Variants in KIF16B observed in about 807,000 individuals in gnomAD.
The protein encoded by KIF16B is kinesin-like protein KIF16B.
In KIF16B, 98 loss-of-function variants were observed where a neutral mutation model predicts 156.3. That is an observed-to-expected ratio of 0.63 (90% CI 0.53 to 0.74). The LOEUF (loss-of-function observed/expected upper bound fraction) is 0.74, where lower values mean the gene tolerates loss of function less well. KIF16B is among the 30% of genes least tolerant of loss of function. KIF16B has a pLI of 0.00. For synonymous variants in KIF16B, 564 were observed against 583.7 expected, an observed-to-expected ratio of 0.97 and a Z score of 0.49; for missense variants, 1,421 against 1,606.5, an observed-to-expected ratio of 0.88 and a Z score of 1.97.
In KIF16B at chr20:16,529,193, A is replaced by G. The variant is rs182606258; in HGVS notation, c.48-753T>C. On this transcript the variant is annotated intron_variant, in intron 1 of 25. Coordinates refer to ENST00000354981, the MANE Select transcript of KIF16B (RefSeq NM_024704.5). ...AAAAGGCTACCTAGGAAAAAAAGGG[A>G]AATTGAGGATAAGGATTTGGGGCAG... 1.2e-4 allele frequency among the ~76,000 whole-genome samples: 18 copies of G among 152,336 alleles called. No individual in the cohort carries two copies. In the East Asian group the frequency reaches 3.1e-3, roughly 26 times the overall value.
chr20:16,565,156 T>G (rs928215693), intron 1 of KIF16B, among the ~76,000 whole-genome samples: 2 of 152,198 alleles, frequency 1.3e-5, no homozygotes, highest in African/African-American at 4.8e-5. Flanking sequence ...ATGGAAGTGG[T>G]TCTCAAATGT....
At chr20:16,328,812 G>GAACA (rs1454150764) in intron 24 of KIF16B, among the ~76,000 whole-genome samples, 1 of 152,038 alleles carries the variant, frequency 6.6e-6, no homozygotes, top group Non-Finnish European at 1.5e-5. Context: ...TTCTCACATG[G>GAACA]CAGGAGGTGG....
intron 17 of KIF16B, among the ~76,000 whole-genome samples, chr20:16,400,608 C>A (rs1220324736): frequency 1.3e-5 from 2 of 152,144 alleles, no homozygotes; most frequent in African/African-American, 2.4e-5. Context: ...TGAAAACAAT[C>A]AAAGAGTCCA....
chr20:16,304,662 AT>A (rs1233021133), intron 25 of KIF16B, among the ~76,000 whole-genome samples: 2 of 152,236 alleles, frequency 1.3e-5, no homozygotes. Context: ...CTATTATTAT[AT>A]GTTTTGTAAG....
intron 12 of KIF16B, among the ~76,000 whole-genome samples, chr20:16,450,626 G>A (rs561940518): frequency 7.2e-5 from 11 of 152,292 alleles, no homozygotes; most frequent in African/African-American, 2.2e-4. Context: ...TTGTCACGAC[G>A]TGCTGTCTCC....
At chr20:16,412,602 C>T (rs1196027471) in intron 15 of KIF16B, among the ~76,000 whole-genome samples, 1 of 152,018 alleles carries the variant, frequency 6.6e-6, no homozygotes, top group Non-Finnish European at 1.5e-5. Context: ...GCAAGAAGTG[C>T]CGCATAAAAA....
At chr20:16,322,816 C>G (rs2063791104) in intron 24 of KIF16B, among the ~76,000 whole-genome samples, 1 of 151,964 alleles carries the variant, frequency 6.6e-6, no homozygotes, top group Non-Finnish European at 1.5e-5. Flanking sequence ...TTTTTGAAAG[C>G]CTTTTCTCTT....
chr20:16,528,658 G>C (rs1468971711), intron 1 of KIF16B, among the ~76,000 whole-genome samples: 1 of 152,132 alleles, frequency 6.6e-6, no homozygotes, highest in African/African-American at 2.4e-5. Context: ...CTGATACACA[G>C]TGTGTTGTTA....
chr20:16,301,141 G>A (rs1423976242), intron 25 of KIF16B, among the ~76,000 whole-genome samples: 1 of 152,090 alleles, frequency 6.6e-6, no homozygotes, highest in Non-Finnish European at 1.5e-5. Context: ...TCAATGTTCT[G>A]CCAAAATCTC....
At chr20:16,306,046 AC>A (rs374228849) in intron 25 of KIF16B, among the ~76,000 whole-genome samples, 2 of 152,212 alleles carry the variant, frequency 1.3e-5, no homozygotes, top group African/African-American at 4.8e-5. Flanking sequence ...CCAATCCAGA[AC>A]AAAGCCCTGC....
chr20:16,525,962 C>T, intron 3 of KIF16B, 130 bp downstream of exon 3: 1 of 521,198 alleles, frequency 1.9e-6, no homozygotes, highest in Non-Finnish European at 3.3e-6. Context: ...GGTAAGTTAG[C>T]AAAGGCTAAT....
chr20:16,293,277 T>C (rs904451163), intron 25 of KIF16B, among the ~76,000 whole-genome samples: 3 of 152,156 alleles, frequency 2.0e-5, no homozygotes, highest in Admixed American at 6.5e-5. Context: ...GAGAAGGCCC[T>C]ATAAAGGCTG....
At chr20:16,355,900 C>T (rs1018540174) in intron 23 of KIF16B, among the ~76,000 whole-genome samples, 1 of 152,230 alleles carries the variant, frequency 6.6e-6, no homozygotes, top group East Asian at 1.9e-4. Flanking sequence ...TTTATACGCA[C>T]TGATATTCCT....
intron 25 of KIF16B, among the ~76,000 whole-genome samples, chr20:16,284,750 G>T (rs1398149423): frequency 6.6e-6 from 1 of 152,076 alleles, no homozygotes; most frequent in East Asian, 1.9e-4. Context: ...CCAATCCCTG[G>T]TCTAAACTGT....
intron 1 of KIF16B, among the ~76,000 whole-genome samples, chr20:16,565,868 G>A (rs1012230334): frequency 6.6e-6 from 1 of 152,226 alleles, no homozygotes; most frequent in African/African-American, 2.4e-5. Flanking sequence ...GCCACTCAGA[G>A]TCATCTTTGA....
At chr20:16,557,996 A>G (rs2147338818) in intron 1 of KIF16B, among the ~76,000 whole-genome samples, 1 of 152,298 alleles carries the variant, frequency 6.6e-6, no homozygotes, top group Non-Finnish European at 1.5e-5. Context: ...AAATTTTGAT[A>G]AGTGCTGTAA....
At chr20:16,486,235 T>C (rs1315549658) in intron 12 of KIF16B, among the ~76,000 whole-genome samples, 1 of 151,998 alleles carries the variant, frequency 6.6e-6, no homozygotes, top group Non-Finnish European at 1.5e-5. Flanking sequence ...TGTCCAGAAC[T>C]AGGTCTACCA....
chr20:16,384,537 T>C (rs962542953), intron 17 of KIF16B, among the ~76,000 whole-genome samples: 1 of 152,204 alleles, frequency 6.6e-6, no homozygotes, highest in African/African-American at 2.4e-5. Flanking sequence ...GGATGTTATG[T>C]TAATGACTCT....
intron 25 of KIF16B, among the ~76,000 whole-genome samples, chr20:16,295,024 AGG>A: frequency 6.6e-6 from 1 of 152,218 alleles, no homozygotes; most frequent in Non-Finnish European, 1.5e-5. Context: ...TATTTTCCAA[AGG>A]ATAAACAAGC....
Sources: allele counts gnomAD v4.1 joint callset (sites outside exome capture counted in the v4.1 genomes callset), GRCh38; gene constraint gnomAD v4.1.1; transcripts MANE v1.5; gene names NCBI Gene and HGNC (gene_info 2026-07-23, HGNC 2026-07-21).